Variants in TCF7 observed in about 807,000 individuals in gnomAD.
The protein encoded by TCF7 is transcription factor 7.
A neutral mutation model predicts 46.8 loss-of-function variants in TCF7; 19 were observed. The ratio of observed to expected loss-of-function variants is 0.41; its 90% CI spans 0.28 to 0.60. TCF7 has a LOEUF of 0.60. Among genes scored for constraint, TCF7 ranks in the 20% least tolerant of loss-of-function variants. TCF7 has a pLI of 0.35. For synonymous variants in TCF7, 245 were observed against 213.4 expected, an observed-to-expected ratio of 1.15 and a Z score of -1.29; for missense variants, 547 against 504.6, an observed-to-expected ratio of 1.08 and a Z score of -0.81.
intron 9 of TCF7, 161 bp downstream of exon 9, chr5:134,143,801 T>C (rs555678313): frequency 6.8e-6 from 5 of 738,734 alleles, no homozygotes; most frequent in African/African-American, 1.8e-5. Flanking sequence ...CAAATTCCCA[T>C]GCAAGAAACA....
chr5:134,145,623 C>A, intron 9 of TCF7: 2 of 1,058,394 alleles, frequency 1.9e-6, no homozygotes, highest in Non-Finnish European at 2.8e-6. Flanking sequence ...GTGTACCCAC[C>A]ACACTCCCTG....
chr5:134,142,799 G>A lies in TCF7; in HGVS notation c.834G>A (p.Leu278=), dbSNP rs1261158751. 5.0e-6 allele frequency: 8 copies of A among 1,614,044 alleles called. No individual in the cohort carries two copies. Among genetic ancestry groups the A allele is most frequent in the Non-Finnish European group, 6.8e-6 (8 of 1,179,996 alleles). ...TIKKPLNAFM[L]YMKEMRAKVI... ...AGAAGCCCCTCAATGCCTTCATGCT[G>A]TACATGAAGGAGATGAGAGCCAAGG... The change falls in exon 7 of 10, where the codon CTG becomes CTA. Residue 278 remains leucine (L), a synonymous_variant. Coordinates refer to ENST00000342854, the MANE Select transcript of TCF7 (RefSeq NM_003202.5).
rs929698177 is a variant in TCF7 at position 134,132,674 on chromosome 5, C to T, written c.442-5385C>T. ...GCGTGCACACAGCCTGCGAGCAGAC[C>T]GCTGCGGTCTACAGGGAAAATGCCG... On this transcript the variant is annotated intron_variant, in intron 3 of 9. Transcript: ENST00000342854. Among the ~76,000 whole-genome samples the T allele has an allele frequency of 2.0e-5, 3 of 150,950 alleles. No homozygotes were observed. In the Admixed American group the frequency reaches 2.0e-4, roughly 10 times the overall value.
At chr5:134,110,371 C>T (rs1207374818), upstream of TCF7, among the ~76,000 whole-genome samples, 1 of 152,172 alleles carries the variant, frequency 6.6e-6, no homozygotes, top group Non-Finnish European at 1.5e-5. Context: ...CCCCAAAGCC[C>T]CCTTGCTTCA....
intron 3 of TCF7, among the ~76,000 whole-genome samples, chr5:134,136,935 CT>C (rs1205820608): frequency 6.6e-6 from 1 of 152,186 alleles, no homozygotes; most frequent in Non-Finnish European, 1.5e-5. Flanking sequence ...TGCAAACGGG[CT>C]TTTCAAAGTG....
intron 9 of TCF7, chr5:134,145,799 T>G (rs768637208): frequency 4.3e-6 from 7 of 1,613,892 alleles, no homozygotes; most frequent in Admixed American, 1.7e-5. Context: ...TGTCCATGTC[T>G]TCTTCCTCTA....
At chr5:134,119,541 G>C (rs1219141622) in intron 3 of TCF7, among the ~76,000 whole-genome samples, 1 of 152,240 alleles carries the variant, frequency 6.6e-6, no homozygotes, top group Non-Finnish European at 1.5e-5. Context: ...GGCTGTTGCA[G>C]ACTTGGGGCC....
intron 3 of TCF7, among the ~76,000 whole-genome samples, chr5:134,126,674 G>A (rs151219422): frequency 2.6e-4 from 40 of 152,294 alleles, no homozygotes; most frequent in African/African-American, 4.8e-4. Context: ...CAAGGCAGGC[G>A]GATCACGAGG....
upstream of TCF7, among the ~76,000 whole-genome samples, chr5:134,113,080 T>C (rs73790146): frequency 0.013 from 2,037 of 152,156 alleles, 53 homozygotes; most frequent in African/African-American, 0.046. Flanking sequence ...GGCTCTGAAC[T>C]CCCGTCCCTG....
At chr5:134,114,065 A>G (rs971268594), upstream of TCF7, among the ~76,000 whole-genome samples, 1 of 152,196 alleles carries the variant, frequency 6.6e-6, no homozygotes, top group East Asian at 1.9e-4. Context: ...GGGGCCCGTC[A>G]CAGATGTGTG....
Position 134,114,776 on chromosome 5 carries a change from G to A in TCF7, c.-131G>A. On this transcript the variant is annotated 5_prime_UTR_variant, in exon 1 of 10. Transcript: ENST00000342854. ...CGCGCCTGCAGCCCGCCCAGGCGGAGTCAGCCCGCGCTCCGCCCGCCGCGA... is the reference window on the plus strand; with the variant it reads ...CGCGCCTGCAGCCCGCCCAGGCGGAATCAGCCCGCGCTCCGCCCGCCGCGA... 1 of 905,164 alleles carries A rather than the reference G, an allele frequency of 1.1e-6. No individual in the cohort carries two copies. Among genetic ancestry groups the A allele is most frequent in the Non-Finnish European group, 1.3e-6 (1 of 758,512 alleles). The allele number at this position is 905,164 out of a possible 1,614,324, so 56.1% of individuals were successfully genotyped here.
intron 3 of TCF7, among the ~76,000 whole-genome samples, chr5:134,125,451 C>G (rs1339871294): frequency 6.6e-6 from 1 of 152,222 alleles, no homozygotes. Context: ...CACTCACCCT[C>G]CCAGTGTGGG....
At position 134,115,911 on chromosome 5, in the gene TCF7, C is replaced by G. The variant is rs1446634436; in HGVS notation, c.319C>G (p.Leu107Val). The change falls in exon 3 of 10, where the codon CTG becomes GTG. Residue 107 changes from leucine (L) to valine (V), a missense_variant and splice_region_variant. By Grantham distance (32) the Leu-to-Val change is conservative. This residue lies in a region of TCF7 where 425 missense variants were observed against 349.9 expected (regional missense o/e 1.21). Coordinates refer to ENST00000342854, the MANE Select transcript of TCF7 (RefSeq NM_003202.5). ...TGACCCAGCTGTGGTTTTTCCAGGC[C>G]TGAAGGCCCCGGAGTGCACCAGCGG... ...DKLPEPLEDG[L>V]KAPECTSGMY... 6.2e-7 allele frequency: 1 copy of G among 1,613,838 alleles called. No individual in the cohort carries two copies. Among genetic ancestry groups the G allele is most frequent in the African/African-American group, 1.3e-5 (1 of 74,928 alleles).
chr5:134,125,552 T>A (rs1757231040), intron 3 of TCF7, among the ~76,000 whole-genome samples: 1 of 152,210 alleles, frequency 6.6e-6, no homozygotes, highest in South Asian at 2.1e-4. Flanking sequence ...AGGCAGAATG[T>A]CTGGGAGAGC....
intron 3 of TCF7, among the ~76,000 whole-genome samples, chr5:134,131,377 G>A (rs180676069): frequency 2.3e-3 from 355 of 152,342 alleles, no homozygotes; most frequent in African/African-American, 8.2e-3. Flanking sequence ...TGTCACCTCT[G>A]TGTGCTTGGC....
intron 3 of TCF7, among the ~76,000 whole-genome samples, chr5:134,119,774 C>T (rs993683836): frequency 1.1e-4 from 16 of 152,250 alleles, no homozygotes; most frequent in Admixed American, 6.5e-5. Context: ...CACGGCCAGC[C>T]TGTCCGAGGA....
chr5:134,136,817 C>T (rs914131433), intron 3 of TCF7, among the ~76,000 whole-genome samples: 1 of 152,184 alleles, frequency 6.6e-6, no homozygotes, highest in Non-Finnish European at 1.5e-5. Context: ...AGAGTGGGGA[C>T]GAACCCAGGC....
At chr5:134,115,603 C>G in intron 2 of TCF7, 1 of 1,433,556 alleles carries the variant, frequency 7.0e-7, no homozygotes, top group East Asian at 2.6e-5. Context: ...AACAGACCCC[C>G]GCCATCCCCG....
At position 134,146,472 on chromosome 5, in the gene TCF7, T is replaced by C. The variant is rs768807808; in HGVS notation, c.*169T>C. ...CCCCCACAGGCCCCCCGCAGCACCC[T>C]GCAGAGCACACAGGTACAGCAACAG... On this transcript the variant is annotated 3_prime_UTR_variant, in exon 10 of 10. Coordinates refer to ENST00000342854, the MANE Select transcript of TCF7 (RefSeq NM_003202.5). 1.9e-5 allele frequency: 15 copies of C among 785,922 alleles called. No individual in the cohort carries two copies. Among genetic ancestry groups the C allele is most frequent in the Admixed American group, 2.0e-5 (1 of 50,568 alleles). 48.7% of individuals were successfully genotyped at this position (785,922 alleles called of 1,614,324 possible).
Sources: allele counts gnomAD v4.1 joint callset (sites outside exome capture counted in the v4.1 genomes callset), GRCh38; gene constraint gnomAD v4.1.1; regional missense constraint gnomAD v4.1.1; transcripts MANE v1.5; gene names NCBI Gene and HGNC (gene_info 2026-07-23, HGNC 2026-07-21).